The following SYMPK variants were observed in gnomAD, a reference collection of about 807,000 sequenced individuals.
SYMPK encodes the protein symplekin scaffold protein.
A neutral mutation model predicts 136.4 loss-of-function variants in SYMPK; 49 were observed. That is an observed-to-expected ratio of 0.36 (90% CI 0.29 to 0.46). The LOEUF (loss-of-function observed/expected upper bound fraction) is 0.46. SYMPK is among the 20% of genes least tolerant of loss of function. The pLI, the probability that SYMPK is intolerant of heterozygous loss-of-function variation, is 1.00. For missense variants in SYMPK, 1,365 were observed against 1,690.0 expected, an observed-to-expected ratio of 0.81 and a Z score of 3.37; for synonymous variants, 766 against 713.0, an observed-to-expected ratio of 1.07 and a Z score of -1.19.
chr19:45,846,068 C>T (rs1014936964), intron 7 of SYMPK, among the ~76,000 whole-genome samples: 12 of 152,044 alleles, frequency 7.9e-5, no homozygotes, highest in African/African-American at 2.9e-4. Flanking sequence ...AACCCTGTCT[C>T]TACTAAAAAT....
chr19:45,833,629 A>G (rs1412222151), intron 11 of SYMPK, among the ~76,000 whole-genome samples: 3 of 152,218 alleles, frequency 2.0e-5, no homozygotes, highest in African/African-American at 2.4e-5. Flanking sequence ...ATAAAAAAAT[A>G]AAGAATAGGT....
chr19:45,833,035 C>T (rs117755953), intron 11 of SYMPK, among the ~76,000 whole-genome samples: 18,614 of 145,612 alleles, frequency 0.13, 1,378 homozygotes, highest in South Asian at 0.18. Flanking sequence ...AAAAAAAAAC[C>T]GTGAAAAACA....
At chr19:45,827,433 G>C (rs1971068395) in intron 16 of SYMPK, 77 bp downstream of exon 16, 2 of 979,728 alleles carry the variant, frequency 2.0e-6, no homozygotes, top group Non-Finnish European at 3.3e-6. Flanking sequence ...TGGAAGACGT[G>C]GGCTGGTTAC....
In SYMPK at chr19:45,829,040, G is replaced by T. The variant is rs1356264638; in HGVS notation, c.1915C>A (p.Leu639Met). 2.1e-5 allele frequency: 34 copies of T among 1,614,096 alleles called. No homozygotes were observed. Among genetic ancestry groups the T allele is most frequent in the Non-Finnish European group, 2.5e-5 (30 of 1,180,060 alleles). The change falls in exon 14 of 27, where the codon CTG (leucine) becomes ATG (methionine). Residue 639 changes from leucine (L) to methionine (M), a missense_variant. Physicochemically the swap from Leu to Met is conservative, Grantham distance 15. Around this residue, in one of 11 missense-constraint regions of SYMPK, gnomAD observed 303 missense variants for 326.6 expected, o/e 0.93. Coordinates refer to ENST00000245934, the MANE Select transcript of SYMPK (RefSeq NM_004819.3). ...ATGAGGCAGTCCTCATACTTGTCCA[G>T]GGAGCCCGAGGCACCTGCGGCCAGG... ...AYLAAGASGS[L>M]DKYEDCLIRL...
intron 14 of SYMPK, 54 bp from the exon 15 acceptor site, chr19:45,827,972 C>G: frequency 6.4e-7 from 1 of 1,557,532 alleles, no homozygotes; most frequent in African/African-American, 1.4e-5. Context: ...CGCCTGGCTC[C>G]CGGGCCCTGC....
chr19:45,848,660 T>C, intron 6 of SYMPK, 90 bp downstream of exon 6: 1 of 1,562,024 alleles, frequency 6.4e-7, no homozygotes. Context: ...ATAAAGAGTA[T>C]GCTCGGATGC....
chr19:45,848,127 T>A, intron 6 of SYMPK, 126 bp from the exon 7 acceptor site: 1 of 1,251,298 alleles, frequency 8.0e-7, no homozygotes. Context: ...TGGTTAACAG[T>A]TACTGAGTTC....
At position 45,828,959 on chromosome 19, in the gene SYMPK, A is replaced by T; in HGVS notation, c.1985+11T>A. Reference sequence around the variant, plus strand: ...CTCGGGGACAGGAGGGTGCAGGGTCAGCCCCCTCACCCATCCTTCTGGTCT... The same window carrying T: ...CTCGGGGACAGGAGGGTGCAGGGTCTGCCCCCTCACCCATCCTTCTGGTCT... On this transcript the variant is annotated intron_variant, in intron 14 of 26. Transcript: ENST00000245934. 1 of 1,610,656 alleles carries T rather than the reference A, an allele frequency of 6.2e-7. No individual in the cohort carries two copies. The highest frequency in any genetic ancestry group is 8.5e-7 in the Non-Finnish European group (1 of 1,176,968).
chr19:45,861,605 G>A (rs150634383), intron 1 of SYMPK, among the ~76,000 whole-genome samples: 19,994 of 151,820 alleles, frequency 0.13, 1,375 homozygotes, highest in South Asian at 0.17. Context: ...CAGGCGTGGT[G>A]GTGTGCCTGT....
intron 23 of SYMPK, 85 bp downstream of exon 23, chr19:45,817,874 C>T (rs770145314): frequency 1.2e-4 from 160 of 1,384,428 alleles, no homozygotes; most frequent in Non-Finnish European, 1.5e-4. Flanking sequence ...GGGCTCCCTC[C>T]GGGGTCAGAC....
chr19:45,818,363 C>T (rs760617122), intron 22 of SYMPK, among the ~76,000 whole-genome samples: 3 of 152,218 alleles, frequency 2.0e-5, no homozygotes, highest in Non-Finnish European at 2.9e-5. Flanking sequence ...AGGGAGAAGA[C>T]ATCCAACTCC....
At chr19:45,858,927 G>GGA (rs1555797836) in intron 1 of SYMPK, among the ~76,000 whole-genome samples, 1 of 150,566 alleles carries the variant, frequency 6.6e-6, no homozygotes, top group Non-Finnish European at 1.5e-5. Flanking sequence ...CGAGGACAGT[G>GGA]ATTTATTTAT....
intron 21 of SYMPK, among the ~76,000 whole-genome samples, chr19:45,822,488 G>A (rs1349955530): frequency 6.6e-6 from 1 of 152,206 alleles, no homozygotes; most frequent in East Asian, 1.9e-4. Flanking sequence ...AGAGGGGCTG[G>A]TGTGTGGCCA....
intron 17 of SYMPK, among the ~76,000 whole-genome samples, chr19:45,825,817 A>G (rs1249732781): frequency 1.3e-5 from 2 of 151,968 alleles, no homozygotes; most frequent in Non-Finnish European, 2.9e-5. Context: ...GGCCTCCCGA[A>G]GGCTGTGCAT....
At chr19:45,861,326 G>T (rs540133130) in intron 1 of SYMPK, among the ~76,000 whole-genome samples, 1 of 151,478 alleles carries the variant, frequency 6.6e-6, no homozygotes, top group African/African-American at 2.4e-5. Context: ...GTTTTGTTTT[G>T]TTCTTTTTTA....
rs911676391 is a variant in SYMPK, at chr19:45,818,239, G to A, written c.2894-93C>T. ...CCTCTGCTGTCTGCCCATGTGAGGG[G>A]AAGACTTCTAAAGCCCTGACTTCTA... is the stretch of plus-strand genomic sequence containing the variant. On this transcript the variant is annotated intron_variant, in intron 22 of 26. Coordinates refer to ENST00000245934, the MANE Select transcript of SYMPK (RefSeq NM_004819.3). 7.5e-6 allele frequency: 10 copies of A among 1,327,688 alleles called. No homozygotes were observed. The African/African-American group carries it at 1.2e-4, about 16-fold the overall frequency. The allele number at this position is 1,327,688 out of a possible 1,614,324, so 82.2% of individuals were successfully genotyped here. A position where few individuals can be genotyped will look rare whatever the true frequency, so the allele number is the denominator to read the frequency against.
chr19:45,824,533 A>G (rs1342354883), intron 18 of SYMPK, among the ~76,000 whole-genome samples: 1 of 152,176 alleles, frequency 6.6e-6, no homozygotes, highest in Non-Finnish European at 1.5e-5. Context: ...GGCCCCACTG[A>G]ACCCAAATGG....
intron 22 of SYMPK, chr19:45,820,720 T>G: frequency 6.2e-6 from 1 of 161,186 alleles, no homozygotes; most frequent in Non-Finnish European, 1.3e-5. Flanking sequence ...CCAGGTCCGT[T>G]TCACTTCAGA....
chr19:45,831,400 G>C lies in SYMPK; in HGVS notation c.1582C>G (p.Pro528Ala), dbSNP rs1373670420. The C allele has an allele frequency of 6.3e-7, 1 of 1,579,248 alleles. No homozygotes were observed. Among genetic ancestry groups the C allele is most frequent in the South Asian group, 1.2e-5 (1 of 85,964 alleles). ...AGGACTCACCGGGGCTGAGTGACAG[G>C]GATAATGGGCTCTGGCCTCCTCTTG... ...QAKRRPEPII[P>A]VTQPRLAGAG... The change falls in exon 12 of 27, where the codon CCT becomes GCT. Residue 528 changes from proline to alanine, a missense_variant. Transcript: ENST00000245934.
Sources: gnomAD v4.1 joint callset for allele counts (sites outside exome capture counted in the v4.1 genomes callset) on GRCh38, gnomAD v4.1.1 for gene constraint, gnomAD v4.1.1 regional missense constraint, MANE v1.5 for transcripts, NCBI Gene and HGNC (gene_info 2026-07-23, HGNC 2026-07-21) for gene names.